ISG20L2: variants seen among roughly 807,000 people sequenced by gnomAD.
The protein encoded by ISG20L2 is interferon-stimulated 20 kDa exonuclease-like 2.
Under a neutral mutation model 27.8 loss-of-function variants are expected in ISG20L2, and 14 were observed. The observed-to-expected ratio is 0.50, with a 90% confidence interval of 0.33 to 0.79. The LOEUF is 0.79. Ranked by LOEUF, ISG20L2 falls within the 30% of genes least tolerant of loss-of-function variation. The pLI is 0.02. For missense variants in ISG20L2, 393 were observed against 435.1 expected (o/e 0.90, Z 0.86); for synonymous variants, 157 against 165.7 (o/e 0.95, Z 0.40).
chr1:156,727,221 T>C lies in ISG20L2; in HGVS notation c.432A>G (p.Lys144=). 1 of 1,613,940 alleles carries C rather than the reference T, an allele frequency of 6.2e-7. No homozygotes were observed. Residue 144 remains lysine, a synonymous_variant, in exon 2 of 4, where the codon AAA becomes AAG. Transcript: ENST00000368219. ...TCTGAGGATGGTTCTTTTTAGAGGA[T>C]TTCTTCTGGGAGCTCTTCTTCTGAG... ...TRSQKKSSQK[K]SSKKNHPQKN... is the part of the protein sequence containing the mutation.
chr1:156,723,145 C>A lies in ISG20L2; in HGVS notation c.*204G>T. The A allele has an allele frequency of 1.6e-6, 1 of 624,656 alleles. No individual in the cohort carries two copies. Among genetic ancestry groups the A allele is most frequent in the Non-Finnish European group, 2.8e-6 (1 of 363,452 alleles). 38.7% of individuals were successfully genotyped at this position (624,656 alleles called of 1,614,324 possible). A position where few individuals can be genotyped will look rare whatever the true frequency, so the allele number is the denominator to read the frequency against. On this transcript the variant is annotated 3_prime_UTR_variant, in exon 4 of 4. Transcript: ENST00000368219. ...GGTTGGGTTCTGACGTGAAGGCTTTCCCCTTCCATGGGACACTTAACCAGA... is the reference window on the plus strand; with the variant it reads ...GGTTGGGTTCTGACGTGAAGGCTTTACCCTTCCATGGGACACTTAACCAGA...
intron 2 of ISG20L2, 175 bp from the exon 3 acceptor site, chr1:156,724,523 C>T (rs1648673538): frequency 1.4e-6 from 2 of 1,412,456 alleles, no homozygotes; most frequent in Non-Finnish European, 1.8e-6. Context: ...CCACCTTCCT[C>T]TTCCACAGGT....
intron 1 of ISG20L2, 173 bp downstream of exon 1, chr1:156,728,242 G>C (rs1648900529): frequency 1.0e-6 from 1 of 985,812 alleles, no homozygotes; most frequent in Non-Finnish European, 1.2e-6. Context: ...TTGGCTCCAG[G>C]CCGGAATTGG....
At chr1:156,724,801 G>A (rs1004193378) in intron 2 of ISG20L2, 1 of 402,840 alleles carries the variant, frequency 2.5e-6, no homozygotes, top group Non-Finnish European at 3.4e-6. Flanking sequence ...ATGGGTACTA[G>A]AGGAAGAGAA....
intron 2 of ISG20L2, chr1:156,725,208 C>T (rs147665113): frequency 0.16 from 23,707 of 152,158 alleles, 2,211 homozygotes; most frequent in Admixed American, 0.22. Flanking sequence ...CTTCAGGCTC[C>T]CAAAGTGCTG....
intron 1 of ISG20L2, 169 bp from the exon 2 acceptor site, chr1:156,727,938 G>T: frequency 8.7e-7 from 1 of 1,151,202 alleles, no homozygotes; most frequent in South Asian, 2.7e-5. Context: ...GTGTTAGCCA[G>T]CAAGCCTGGA....
intron 3 of ISG20L2, chr1:156,723,903 C>A (rs1648641576): frequency 3.0e-6 from 4 of 1,325,200 alleles, no homozygotes; most frequent in Non-Finnish European, 3.9e-6. Flanking sequence ...CCACTGCTAC[C>A]TGCTTTCTTC....
chr1:156,728,444 G>A lies in ISG20L2; in HGVS notation c.-147C>T, dbSNP rs1648917770. 1 of 985,742 alleles carries A rather than the reference G, an allele frequency of 1.0e-6. No individual in the cohort carries two copies. Among genetic ancestry groups the A allele is most frequent in the African/African-American group, 1.7e-5 (1 of 57,378 alleles). 61.1% of individuals were successfully genotyped at this position (985,742 alleles called of 1,614,324 possible). ...CAGACGGGTCCAGCTAAGACCGGAA[G>A]CGTCCGGAGCCGGATGCGGAAATCG... On this transcript the variant is annotated 5_prime_UTR_variant, in exon 1 of 4. Transcript: ENST00000368219.
Position 156,724,230 on chromosome 1 carries a change from AG to A in ISG20L2, c.865del (p.Leu289SerfsTer15), listed in dbSNP as rs761558950. On this transcript the variant is annotated frameshift_variant, in exon 3 of 4. Coordinates refer to ENST00000368219, the MANE Select transcript of ISG20L2 (RefSeq NM_001370150.2). LOFTEE classifies it high-confidence loss of function. The stretch of plus-strand genomic sequence containing the variant: ...CTCCGGGCAGTCAGCCTTCCGGTTG[AG>A]GGGGGGGATATGGGAGGTGTCACGG... ...LTRDTSHIPPLNRKADCPENA... is the reference protein window; with the variant it reads ...LTRDTSHIPPXNRKADCPENA... 2.4e-5 allele frequency: 39 copies of A among 1,596,372 alleles called. No homozygotes were observed. Among genetic ancestry groups the A allele is most frequent in the Admixed American group, 3.4e-5 (2 of 59,060 alleles).
Position 156,723,034 on chromosome 1 carries a change from T to C in ISG20L2, c.*315A>G. ...GGAAACTACATTTCCCAGTATGCCC[T>C]GCCCCTTGAAAGTTAAAAATCTTAA... On this transcript the variant is annotated 3_prime_UTR_variant, in exon 4 of 4. Coordinates refer to ENST00000368219, the MANE Select transcript of ISG20L2 (RefSeq NM_001370150.2). The C allele has an allele frequency of 3.5e-6, 1 of 286,988 alleles. No homozygotes were observed. Among genetic ancestry groups the C allele is most frequent in the Admixed American group, 4.5e-5 (1 of 22,048 alleles). The allele number at this position is 286,988 out of a possible 1,614,324, so 17.8% of individuals were successfully genotyped here. A position where few individuals can be genotyped will look rare whatever the true frequency, so the allele number is the denominator to read the frequency against.
In ISG20L2 at chr1:156,724,193, CATG is replaced by C. The variant is rs768617970; in HGVS notation, c.900_902del (p.Met301del). 6.2e-7 allele frequency: 1 copy of C among 1,613,276 alleles called. No individual in the cohort carries two copies. Among genetic ancestry groups the C allele is most frequent in the East Asian group, 2.2e-5 (1 of 44,860 alleles). Reference sequence around the variant, plus strand: ...GCTTCTTGGTGAGATGCTTCAGAGACATGGTGGCATTCTCCGGGCAGTCAGCCT... The same window carrying C: ...GCTTCTTGGTGAGATGCTTCAGAGACGTGGCATTCTCCGGGCAGTCAGCCT... On this transcript the variant is annotated inframe_deletion, in exon 3 of 4. Coordinates refer to ENST00000368219, the MANE Select transcript of ISG20L2 (RefSeq NM_001370150.2).
rs1279310780 is a variant in ISG20L2, at chr1:156,728,595, G to T, written c.-298C>A. 1 of 985,968 alleles carries T rather than the reference G, an allele frequency of 1.0e-6. No individual in the cohort carries two copies. The highest frequency in any genetic ancestry group is 1.2e-6 in the Non-Finnish European group (1 of 830,026). The allele number at this position is 985,968 out of a possible 1,614,324, so 61.1% of individuals were successfully genotyped here. On this transcript the variant is annotated 5_prime_UTR_variant, in exon 1 of 4. Transcript: ENST00000368219. ...CAGTGATTCCGAGTGTGTGAGGAGC[G>T]GCAGTGGCGGCGGAGGAGGGGGCGG...
rs1648581955 is a variant in ISG20L2, at chr1:156,722,570, C to T, written c.*779G>A. 1 of 150,798 alleles carries T rather than the reference C, an allele frequency of 6.6e-6. No individual in the cohort carries two copies. The highest frequency in any genetic ancestry group is 2.1e-4 in the South Asian group (1 of 4,774). The allele number at this position is 150,798 out of a possible 1,614,324, so 9.3% of individuals were successfully genotyped here. On this transcript the variant is annotated 3_prime_UTR_variant, in exon 4 of 4. Coordinates refer to ENST00000368219, the MANE Select transcript of ISG20L2 (RefSeq NM_001370150.2). Reference sequence around the variant, plus strand: ...CGTGAGCCACCACGCCCGGCAGGGACCACACAATTTATTAACCAACCAGGT... The same window carrying T: ...CGTGAGCCACCACGCCCGGCAGGGATCACACAATTTATTAACCAACCAGGT...
In ISG20L2 at chr1:156,724,211, G is replaced by A; in HGVS notation, c.885C>T (p.Cys295=). Residue 295 remains cysteine, a synonymous_variant, in exon 3 of 4, where the codon TGC becomes TGT. Transcript: ENST00000368219. ...HIPPLNRKAD[C]PENATMSLKH... ...TCAGAGACATGGTGGCATTCTCCGG[G>A]CAGTCAGCCTTCCGGTTGAGGGGGG... The A allele has an allele frequency of 6.2e-7, 1 of 1,613,882 alleles. No individual in the cohort carries two copies. The highest frequency in any genetic ancestry group is 8.5e-7 in the Non-Finnish European group (1 of 1,179,952).
At position 156,728,718 on chromosome 1, in the gene ISG20L2, C is replaced by T. The variant is rs1456705438; in HGVS notation, c.-421G>A. ...GGAAGGCCGCGATAAACCGGAACTG[C>T]AGCCCGCCGGACACCTCCGGCTTCA... is the stretch of plus-strand genomic sequence containing the variant. On this transcript the variant is annotated 5_prime_UTR_variant, in exon 1 of 4. Coordinates refer to ENST00000368219, the MANE Select transcript of ISG20L2 (RefSeq NM_001370150.2). The T allele has an allele frequency of 6.0e-6, 6 of 996,444 alleles. No individual in the cohort carries two copies. In the African/African-American group the frequency reaches 1.0e-4, roughly 17 times the overall value. The allele number at this position is 996,444 out of a possible 1,614,324, so 61.7% of individuals were successfully genotyped here.
chr1:156,727,648 G>C lies in ISG20L2; in HGVS notation c.5C>G (p.Ser2Cys). 1 of 1,609,992 alleles carries C rather than the reference G, an allele frequency of 6.2e-7. No homozygotes were observed. Among genetic ancestry groups the C allele is most frequent in the Non-Finnish European group, 8.5e-7 (1 of 1,178,498 alleles). Reference protein sequence around the residue: MSTLLLNLDFGE... With the variant: MCTLLLNLDFGE... The stretch of plus-strand genomic sequence containing the variant: ...AAAATCCAGATTGAGCAGTAAAGTA[G>C]ACATAGGGACAATGGAAGGCGGAAG... The change falls in exon 2 of 4, where the codon TCT becomes TGT. Residue 2 changes from serine to cysteine, a missense_variant. Physicochemically the swap from Ser to Cys is moderately radical, Grantham distance 112 (BLOSUM62 -1). Transcript: ENST00000368219.
Position 156,723,457 on chromosome 1 carries a change from C to G in ISG20L2, c.954G>C (p.Gly318=). 2 of 1,614,066 alleles carry G rather than the reference C, an allele frequency of 1.2e-6. No homozygotes were observed. The highest frequency in any genetic ancestry group is 1.7e-6 in the Non-Finnish European group (2 of 1,179,942). Reference sequence around the variant, plus strand: ...CTTCCACAGAGGAATGTCCGCTCTTCCCAACCTGAGCAAGCAAGGAAGACA... The same window carrying G: ...CTTCCACAGAGGAATGTCCGCTCTTGCCAACCTGAGCAAGCAAGGAAGACA... ...KKLLNRDIQV[G]KSGHSSVEDA... The change falls in exon 4 of 4, where the codon GGG becomes GGC. Residue 318 remains glycine, a synonymous_variant. Coordinates refer to ENST00000368219, the MANE Select transcript of ISG20L2 (RefSeq NM_001370150.2).
intron 3 of ISG20L2, chr1:156,723,665 T>C (rs1648630204): frequency 1.0e-6 from 1 of 985,414 alleles, no homozygotes; most frequent in Non-Finnish European, 1.2e-6. Context: ...TGCCACTGTC[T>C]ACCTCAGTCC....
At chr1:156,725,642 A>T (rs930848983) in intron 2 of ISG20L2, 7 of 153,800 alleles carry the variant, frequency 4.6e-5, no homozygotes, top group Non-Finnish European at 8.6e-5. Flanking sequence ...CCCGTGAACT[A>T]GATATTTCGT....
Sources: gnomAD v4.1 joint callset for allele counts on GRCh38, gnomAD v4.1.1 for gene constraint, MANE v1.5 for transcripts, NCBI Gene and HGNC (gene_info 2026-07-23, HGNC 2026-07-21) for gene names.